PARD3B: variants seen among roughly 807,000 people sequenced by gnomAD.
PARD3B encodes par-3 family cell polarity regulator beta.
A neutral mutation model predicts 130.2 loss-of-function variants in PARD3B; 103 were observed. That is an observed-to-expected ratio of 0.79 (90% CI 0.67 to 0.93). The LOEUF (loss-of-function observed/expected upper bound fraction) is 0.93. PARD3B is among the 40% of genes least tolerant of loss of function. PARD3B has a pLI of 0.00. For missense variants in PARD3B, 1,609 were observed against 1,499.2 expected (o/e 1.07, Z -1.21); for synonymous variants, 583 against 553.2 (o/e 1.05, Z -0.76).
intron 22 of PARD3B, among the ~76,000 whole-genome samples, chr2:205,598,921 G>A (rs2054674070): frequency 6.6e-6 from 1 of 152,226 alleles, no homozygotes; most frequent in African/African-American, 2.4e-5. Flanking sequence ...AAACTAATGA[G>A]AACAGAGACA....
chr2:205,069,899 GT>G (rs2125481051), intron 4 of PARD3B, among the ~76,000 whole-genome samples: 1 of 152,256 alleles, frequency 6.6e-6, no homozygotes, highest in Non-Finnish European at 1.5e-5. Context: ...CAAGATTCTT[GT>G]TTAATCCCCC....
At chr2:204,861,966 T>G (rs1559207727) in intron 2 of PARD3B, among the ~76,000 whole-genome samples, 2 of 145,994 alleles carry the variant, frequency 1.4e-5, no homozygotes, top group African/African-American at 5.2e-5. Flanking sequence ...TGGCTGAAAG[T>G]TTTGTCACTT....
At position 204,717,658 on chromosome 2, in the gene PARD3B, G is replaced by A. The variant is rs1241384161; in HGVS notation, c.222+31376G>A. 2.6e-5 allele frequency among the ~76,000 whole-genome samples: 4 copies of A among 152,262 alleles called. 1 individual carries two copies. Among genetic ancestry groups the A allele is most frequent in the Non-Finnish European group, 2.9e-5 (2 of 68,026 alleles). ...CAGTGAGAACTGCAGTGAGAGCCAC[G>A]GTCATCTCTATGTCAAATAAAGGCA... On this transcript the variant is annotated intron_variant, in intron 2 of 22. Transcript: ENST00000406610.
chr2:205,313,575 A>C (rs2042463527), intron 18 of PARD3B, among the ~76,000 whole-genome samples: 1 of 152,340 alleles, frequency 6.6e-6, no homozygotes, highest in African/African-American at 2.4e-5. Context: ...TGTCATACTT[A>C]TCACAATAAA....
intron 2 of PARD3B, among the ~76,000 whole-genome samples, chr2:204,895,050 A>G (rs1465414258): frequency 5.1e-5 from 6 of 117,836 alleles, no homozygotes; most frequent in African/African-American, 3.0e-4. Flanking sequence ...AAGGAGAAAG[A>G]CCTACCAAAA....
At chr2:204,700,917 CA>C (rs1356164104) in intron 2 of PARD3B, among the ~76,000 whole-genome samples, 1 of 151,732 alleles carries the variant, frequency 6.6e-6, no homozygotes, top group Admixed American at 6.6e-5. Flanking sequence ...TGTTAAATGT[CA>C]AAAAATTTTA....
intron 2 of PARD3B, among the ~76,000 whole-genome samples, chr2:204,688,322 G>C (rs1319300621): frequency 6.6e-6 from 1 of 152,074 alleles, no homozygotes; most frequent in Non-Finnish European, 1.5e-5. Flanking sequence ...GCTCATGCCT[G>C]TAATCCTAGC....
chr2:205,177,373 A>G (rs995100352), intron 13 of PARD3B, among the ~76,000 whole-genome samples: 2 of 152,216 alleles, frequency 1.3e-5, no homozygotes, highest in South Asian at 2.1e-4. Context: ...CTTTTTAATG[A>G]AAATATTTTA....
At chr2:205,019,510 A>T (rs1264784267) in intron 3 of PARD3B, among the ~76,000 whole-genome samples, 1 of 152,130 alleles carries the variant, frequency 6.6e-6, no homozygotes, top group Non-Finnish European at 1.5e-5. Flanking sequence ...TAGGAGTGGA[A>T]TGGCTGGGGC....
At chr2:205,101,741 G>A (rs973236559) in intron 4 of PARD3B, among the ~76,000 whole-genome samples, 8 of 152,142 alleles carry the variant, frequency 5.3e-5, no homozygotes, top group African/African-American at 1.9e-4. Flanking sequence ...ACATGGATGA[G>A]CTTTTGAAAA....
At chr2:205,097,604 C>T (rs1322521590) in intron 4 of PARD3B, among the ~76,000 whole-genome samples, 4 of 152,158 alleles carry the variant, frequency 2.6e-5, no homozygotes, top group African/African-American at 9.7e-5. Flanking sequence ...TCGGGACTCA[C>T]CCTAGACCTA....
chr2:205,493,735 T>C (rs2049817879), intron 20 of PARD3B, among the ~76,000 whole-genome samples: 2 of 142,462 alleles, frequency 1.4e-5, no homozygotes, highest in African/African-American at 5.2e-5. Context: ...TATTTATTTA[T>C]TTATTTATTT....
chr2:204,786,730 A>G (rs1263800091), intron 2 of PARD3B, among the ~76,000 whole-genome samples: 2 of 151,092 alleles, frequency 1.3e-5, no homozygotes, highest in Non-Finnish European at 2.9e-5. Context: ...ATAACAAAAC[A>G]CCGTATCTAA....
At chr2:204,726,751 C>T (rs2039247120) in intron 2 of PARD3B, among the ~76,000 whole-genome samples, 1 of 152,172 alleles carries the variant, frequency 6.6e-6, no homozygotes, top group Admixed American at 6.6e-5. Context: ...CATTTCCTCC[C>T]TTCTTGCTGG....
rs146535617 is a variant in PARD3B at position 204,680,745 on chromosome 2, A to G, written c.121-5436A>G. Reference sequence around the variant, plus strand: ...TTCTCATTGCCTTTATTTTTCATCTATGGATTTTTCAGTACTGTATTTCCT... The same window carrying G: ...TTCTCATTGCCTTTATTTTTCATCTGTGGATTTTTCAGTACTGTATTTCCT... On this transcript the variant is annotated intron_variant, in intron 1 of 22. Transcript: ENST00000406610. Among the ~76,000 whole-genome samples the G allele has an allele frequency of 2.2e-4, 33 of 151,932 alleles. No individual in the cohort carries two copies. The East Asian group carries it at 6.2e-3, about 28-fold the overall frequency.
intron 3 of PARD3B, among the ~76,000 whole-genome samples, chr2:205,023,138 G>A (rs1402045845): frequency 1.3e-5 from 2 of 152,142 alleles, no homozygotes; most frequent in Non-Finnish European, 2.9e-5. Context: ...AGAGTGTCGG[G>A]GGGATTAGAA....
chr2:205,571,504 G>A (rs55919811), intron 22 of PARD3B, among the ~76,000 whole-genome samples: 21,254 of 152,164 alleles, frequency 0.14, 1,748 homozygotes, highest in East Asian at 0.29. Flanking sequence ...CAGTCTCCAA[G>A]GGAGCAAGCA....
At chr2:205,303,351 G>A (rs531661797) in intron 18 of PARD3B, among the ~76,000 whole-genome samples, 1 of 152,248 alleles carries the variant, frequency 6.6e-6, no homozygotes, top group East Asian at 1.9e-4. Context: ...ATTTTTTAGA[G>A]TGCTCCTTAC....
At chr2:204,711,499 A>G (rs943578033) in intron 2 of PARD3B, among the ~76,000 whole-genome samples, 4 of 152,132 alleles carry the variant, frequency 2.6e-5, no homozygotes, top group East Asian at 1.9e-4. Flanking sequence ...ACAACTGCAT[A>G]TTGTCTCAAT....
Sources: gnomAD v4.1 joint callset for allele counts (sites outside exome capture counted in the v4.1 genomes callset) on GRCh38, gnomAD v4.1.1 for gene constraint, MANE v1.5 for transcripts, NCBI Gene and HGNC (gene_info 2026-07-23, HGNC 2026-07-21) for gene names.